Variants in P4HA2 observed in about 807,000 individuals in gnomAD.
The protein encoded by P4HA2 is prolyl 4-hydroxylase subunit alpha 2, also known as prolyl 4-hydroxylase subunit alpha-2.
P4HA2 carries 46 observed loss-of-function variants against 76.9 expected under a neutral mutation model. The ratio of observed to expected loss-of-function variants is 0.60; its 90% CI spans 0.47 to 0.76. The LOEUF is 0.76. P4HA2 is among the 30% of genes least tolerant of loss of function. The pLI, the probability that P4HA2 is intolerant of heterozygous loss-of-function variation, is 0.00. For synonymous variants in P4HA2, 243 were observed against 254.0 expected, an observed-to-expected ratio of 0.96 and a Z score of 0.41; for missense variants, 583 against 669.4, an observed-to-expected ratio of 0.87 and a Z score of 1.42.
chr5:132,211,408 A>G (rs1753065266), intron 5 of P4HA2, among the ~76,000 whole-genome samples: 1 of 152,136 alleles, frequency 6.6e-6, no homozygotes, highest in African/African-American at 2.4e-5. Flanking sequence ...AGCAAGGAAG[A>G]CTCCCCACAG....
At chr5:132,193,162 T>C (rs1750100256) in intron 14 of P4HA2, 82 bp from the exon 15 acceptor site, 1 of 890,674 alleles carries the variant, frequency 1.1e-6, no homozygotes, top group Admixed American at 1.8e-5. Context: ...GATGACCCCC[T>C]GCACTGTGCC....
chr5:132,210,022 A>G (rs1308327619), intron 6 of P4HA2, among the ~76,000 whole-genome samples: 1 of 152,220 alleles, frequency 6.6e-6, no homozygotes, highest in Admixed American at 6.5e-5. Flanking sequence ...ACACCATAAC[A>G]GAGTCCTTAT....
At chr5:132,215,401 G>A (rs1463894807) in intron 4 of P4HA2, among the ~76,000 whole-genome samples, 2 of 152,214 alleles carry the variant, frequency 1.3e-5, no homozygotes, top group Non-Finnish European at 2.9e-5. Flanking sequence ...GAGAGAGGAG[G>A]TCATCTGGGT....
chr5:132,215,477 G>A (rs1005743080), intron 4 of P4HA2, among the ~76,000 whole-genome samples: 4 of 152,190 alleles, frequency 2.6e-5, no homozygotes, highest in East Asian at 3.9e-4. Context: ...GCGGAGAGGC[G>A]GGAGTCTGGG....
At position 132,203,676 on chromosome 5, in the gene P4HA2, G is replaced by T. The variant is rs1257049919; in HGVS notation, c.1251+72C>A. 5.3e-6 allele frequency: 5 copies of T among 937,848 alleles called. No individual in the cohort carries two copies. In the South Asian group the frequency reaches 5.4e-5, roughly 10 times the overall value. The allele number at this position is 937,848 out of a possible 1,614,324, so 58.1% of individuals were successfully genotyped here. On this transcript the variant is annotated intron_variant, in intron 10 of 14. Coordinates refer to ENST00000360568, the MANE Select transcript of P4HA2 (RefSeq NM_001017974.2). ...CAGTTGGGCCTCTTGGCCCAGTTCT[G>T]GACACCCTGTGAGACCATCTAGCCA...
At chr5:132,211,794 G>C (rs1472839546) in intron 5 of P4HA2, among the ~76,000 whole-genome samples, 2 of 152,212 alleles carry the variant, frequency 1.3e-5, no homozygotes, top group African/African-American at 4.8e-5. Flanking sequence ...TGTGACTATA[G>C]ACAAGTTACC....
At position 132,192,567 on chromosome 5, in the gene P4HA2, C is replaced by G. The variant is rs200151392; in HGVS notation, c.*443G>C. 4 of 154,052 alleles carry G rather than the reference C, an allele frequency of 2.6e-5. No homozygotes were observed. The highest frequency in any genetic ancestry group is 4.4e-5 in the Non-Finnish European group (3 of 68,958). The allele number at this position is 154,052 out of a possible 1,614,324, so 9.5% of individuals were successfully genotyped here. ...AGGTGATGCATAGGAAATGATGAAC[C>G]TGGTAAAAGCTTCCAGTCTTAAAAA... On this transcript the variant is annotated 3_prime_UTR_variant, in exon 15 of 15. Coordinates refer to ENST00000360568, the MANE Select transcript of P4HA2 (RefSeq NM_001017974.2).
intron 3 of P4HA2, 104 bp downstream of exon 3, chr5:132,217,648 C>T (rs1383554273): frequency 2.5e-6 from 2 of 802,928 alleles, no homozygotes; most frequent in Non-Finnish European, 4.4e-6. Context: ...CCCACATCAC[C>T]CTCTCAAAGG....
chr5:132,207,100 A>G (rs1243725474), intron 8 of P4HA2, among the ~76,000 whole-genome samples: 1 of 152,240 alleles, frequency 6.6e-6, no homozygotes, highest in African/African-American at 2.4e-5. Flanking sequence ...TATTTGTAAA[A>G]TCAATAGTTT....
At chr5:132,211,229 G>A (rs1753043054) in intron 5 of P4HA2, among the ~76,000 whole-genome samples, 1 of 152,200 alleles carries the variant, frequency 6.6e-6, no homozygotes, top group African/African-American at 2.4e-5. Flanking sequence ...AGGGAGTGCT[G>A]GAAAGTGACC....
At position 132,207,733 on chromosome 5, in the gene P4HA2, CT is replaced by C; in HGVS notation, c.1054del (p.Arg352GlyfsTer36). 6.2e-7 allele frequency: 1 copy of C among 1,613,968 alleles called. No homozygotes were observed. The highest frequency in any genetic ancestry group is 8.5e-7 in the Non-Finnish European group (1 of 1,179,920). On this transcript the variant is annotated frameshift_variant, in exon 8 of 15. Coordinates refer to ENST00000360568, the MANE Select transcript of P4HA2 (RefSeq NM_001017974.2). LOFTEE classifies it high-confidence loss of function. ...YDVMSDEEIE[R>X]IKEIAKPKLA... ...TTTAGGTTTTGCGATCTCCTTGATC[CT>C]CTCGATTTCCTCATCAGACATGACA...
chr5:132,198,544 A>G (rs1188582254), intron 11 of P4HA2, among the ~76,000 whole-genome samples, 164 bp from the exon 12 acceptor site: 1 of 152,246 alleles, frequency 6.6e-6, no homozygotes, highest in Non-Finnish European at 1.5e-5. Context: ...GGCATGGAGT[A>G]GACGGGGAAG....
chr5:132,192,969 A>G lies in P4HA2; in HGVS notation c.*41T>C, dbSNP rs1750063596. The G allele has an allele frequency of 1.5e-6, 2 of 1,295,588 alleles. No homozygotes were observed. Among genetic ancestry groups the G allele is most frequent in the Non-Finnish European group, 1.1e-6 (1 of 888,938 alleles). 80.3% of individuals were successfully genotyped at this position (1,295,588 alleles called of 1,614,324 possible). ...ATACAAAGGTGTCTGTCACGTTGAC[A>G]TGGGCTGAAGGACCAGGAAGGGGAA... On this transcript the variant is annotated 3_prime_UTR_variant, in exon 15 of 15. Coordinates refer to ENST00000360568, the MANE Select transcript of P4HA2 (RefSeq NM_001017974.2).
In P4HA2 at chr5:132,217,819, T is replaced by A; in HGVS notation, c.112A>T (p.Lys38Ter). ...GHMTDLIYAEKELVQSLKEYI... is the reference protein window; with the variant it reads ...GHMTDLIYAE ...TCTTTCAGAGACTGCACCAGCTCTT[T>A]CTCTGCATAAATCAGGTCAGTCATG... The change falls in exon 3 of 15, where the codon AAA becomes TAA. Residue 38 changes from lysine to a stop codon, truncating the protein, a stop_gained. Coordinates refer to ENST00000360568, the MANE Select transcript of P4HA2 (RefSeq NM_001017974.2). LOFTEE classifies it high-confidence loss of function. 6.2e-7 allele frequency: 1 copy of A among 1,612,788 alleles called. No homozygotes were observed. Among genetic ancestry groups the A allele is most frequent in the Non-Finnish European group, 8.5e-7 (1 of 1,178,868 alleles).
At chr5:132,223,819 C>G (rs927340207) in intron 1 of P4HA2, among the ~76,000 whole-genome samples, 1 of 152,224 alleles carries the variant, frequency 6.6e-6, no homozygotes, top group Non-Finnish European at 1.5e-5. Context: ...TCCTACATAT[C>G]TGACATCTGA....
At chr5:132,214,494 G>C (rs1202446086) in intron 4 of P4HA2, among the ~76,000 whole-genome samples, 1 of 152,168 alleles carries the variant, frequency 6.6e-6, no homozygotes, top group African/African-American at 2.4e-5. Context: ...AATTGGGCTA[G>C]TCAGGTAAAC....
intron 1 of P4HA2, chr5:132,227,431 G>C (rs1211115642): frequency 1.3e-5 from 2 of 152,322 alleles, no homozygotes; most frequent in African/African-American, 2.4e-5. Context: ...CCCAACAGCC[G>C]GCAGCCCGGG....
chr5:132,207,744 C>T lies in P4HA2; in HGVS notation c.1044G>A (p.Glu348=). The change falls in exon 8 of 15, where the codon GAG becomes GAA. Residue 348 remains glutamate (E), a synonymous_variant. Coordinates refer to ENST00000360568, the MANE Select transcript of P4HA2 (RefSeq NM_001017974.2). The part of the protein sequence containing the change: ...IVRYYDVMSD[E]EIERIKEIAK... Reference sequence around the variant, plus strand: ...CGATCTCCTTGATCCTCTCGATTTCCTCATCAGACATGACATCGTAGTACC... The same window carrying T: ...CGATCTCCTTGATCCTCTCGATTTCTTCATCAGACATGACATCGTAGTACC... The T allele has an allele frequency of 6.2e-7, 1 of 1,613,960 alleles. No individual in the cohort carries two copies. The highest frequency in any genetic ancestry group is 8.5e-7 in the Non-Finnish European group (1 of 1,179,902).
At chr5:132,213,569 C>T (rs368703801) in intron 5 of P4HA2, among the ~76,000 whole-genome samples, 1 of 152,176 alleles carries the variant, frequency 6.6e-6, no homozygotes, top group Admixed American at 6.5e-5. Context: ...AAGCCCAGAT[C>T]AGCCTTAGAT....
Sources: allele counts gnomAD v4.1 joint callset (sites outside exome capture counted in the v4.1 genomes callset), GRCh38; gene constraint gnomAD v4.1.1; transcripts MANE v1.5; gene names NCBI Gene and HGNC (gene_info 2026-07-23, HGNC 2026-07-21).